PLS1: variants seen among roughly 807,000 people sequenced by gnomAD.
The protein encoded by PLS1 is plastin 1, also known as plastin-1.
Under a neutral mutation model 73.7 loss-of-function variants are expected in PLS1, and 32 were observed. The ratio of observed to expected loss-of-function variants is 0.43; its 90% CI spans 0.33 to 0.58. The LOEUF is 0.58. Ranked by LOEUF, PLS1 falls within the 20% of genes least tolerant of loss-of-function variation. The probability of loss-of-function intolerance (pLI) is 0.04; values close to 1 mark genes in which losing one functional copy is unlikely to be tolerated. For synonymous variants in PLS1, 217 were observed against 261.3 expected (o/e 0.83, Z 1.63); for missense variants, 633 against 740.5 (o/e 0.85, Z 1.68).
At position 142,711,958 on chromosome 3, in the gene PLS1, T is replaced by C; in HGVS notation, c.1841T>C (p.Met614Thr). Residue 614 changes from methionine (M) to threonine (T), a missense_variant, in exon 16 of 16, where the codon ATG becomes ACG. Coordinates refer to ENST00000457734, the MANE Select transcript of PLS1 (RefSeq NM_001145319.2). ...DLVEVKPKMVMTVFACLMGKG... is the reference protein window; with the variant it reads ...DLVEVKPKMVTTVFACLMGKG... ...GTAGAAGTGAAACCAAAGATGGTTA[T>C]GACGGTGTTTGCATGCTTAATGGGA... 2 of 1,613,526 alleles carry C rather than the reference T, an allele frequency of 1.2e-6. No homozygotes were observed. The highest frequency in any genetic ancestry group is 8.5e-7 in the Non-Finnish European group (1 of 1,179,458).
At chr3:142,600,237 G>A (rs2035890878) in intron 1 of PLS1, among the ~76,000 whole-genome samples, 2 of 152,174 alleles carry the variant, frequency 1.3e-5, no homozygotes, top group African/African-American at 4.8e-5. Context: ...GAGGGAGTGA[G>A]GCTGGGGTCC....
intron 5 of PLS1, 119 bp downstream of exon 5, chr3:142,676,408 G>A (rs2107862065): frequency 2.2e-6 from 2 of 928,686 alleles, no homozygotes; most frequent in Non-Finnish European, 3.3e-6. Flanking sequence ...CTTAGGTCAT[G>A]AGGAATTTAT....
At chr3:142,618,955 G>A (rs371466897) in intron 1 of PLS1, among the ~76,000 whole-genome samples, 1 of 152,072 alleles carries the variant, frequency 6.6e-6, no homozygotes, top group East Asian at 1.9e-4. Context: ...ACATCTTTGG[G>A]GGACAGGGTA....
At chr3:142,683,733 C>G (rs762953008) in intron 6 of PLS1, among the ~76,000 whole-genome samples, 3 of 152,020 alleles carry the variant, frequency 2.0e-5, no homozygotes, top group African/African-American at 4.8e-5. Context: ...GGCAGAACAT[C>G]CAGGTAGACA....
chr3:142,632,809 G>T (rs972326957), intron 1 of PLS1, among the ~76,000 whole-genome samples: 1 of 152,046 alleles, frequency 6.6e-6, no homozygotes, highest in Admixed American at 6.6e-5. Context: ...ATGTTGGCCG[G>T]GCTGGTCTCA....
chr3:142,711,283 A>T (rs1272332117), intron 14 of PLS1, among the ~76,000 whole-genome samples: 2 of 152,188 alleles, frequency 1.3e-5, no homozygotes, highest in Non-Finnish European at 2.9e-5. Context: ...CACAAACCTT[A>T]TTCAGATATG....
At chr3:142,634,823 ATTGT>A (rs202125451) in intron 1 of PLS1, among the ~76,000 whole-genome samples, 1,993 of 152,198 alleles carry the variant, frequency 0.013, 17 homozygotes, top group Non-Finnish European at 0.019. Flanking sequence ...AAGATTTCTT[ATTGT>A]TTAAGTCATT....
chr3:142,658,705 A>C (rs1037280855), intron 1 of PLS1, among the ~76,000 whole-genome samples: 1 of 152,126 alleles, frequency 6.6e-6, no homozygotes, highest in Admixed American at 6.5e-5. Context: ...TGCTTTTTTC[A>C]TTTAGTATGA....
intron 1 of PLS1, among the ~76,000 whole-genome samples, chr3:142,642,582 T>G (rs1377353364): frequency 6.6e-6 from 1 of 152,242 alleles, no homozygotes; most frequent in Non-Finnish European, 1.5e-5. Flanking sequence ...TCTGTCAGTC[T>G]GTGCCCCATA....
At chr3:142,630,644 A>T (rs1207403770) in intron 1 of PLS1, among the ~76,000 whole-genome samples, 1 of 151,894 alleles carries the variant, frequency 6.6e-6, no homozygotes, top group Non-Finnish European at 1.5e-5. Context: ...CCAGCTACTC[A>T]GGAGGCTGAG....
At chr3:142,628,809 A>G (rs2036488569) in intron 1 of PLS1, among the ~76,000 whole-genome samples, 1 of 152,254 alleles carries the variant, frequency 6.6e-6, no homozygotes, top group Non-Finnish European at 1.5e-5. Flanking sequence ...GAAAAAACCC[A>G]TCACTTTGAA....
chr3:142,695,761 C>CTTATTTATTTAT (rs55888631), intron 11 of PLS1, among the ~76,000 whole-genome samples: 2 of 94,260 alleles, frequency 2.1e-5, no homozygotes, highest in Non-Finnish European at 4.3e-5. Flanking sequence ...AGGAGACTTA[C>CTTATTTATTTAT]TTATTTATTT....
intron 12 of PLS1, among the ~76,000 whole-genome samples, chr3:142,701,912 G>A (rs1295021798): frequency 3.9e-5 from 6 of 152,144 alleles, no homozygotes; most frequent in Non-Finnish European, 8.8e-5. Context: ...AAGTGCTAAT[G>A]TTATTTTCCA....
At chr3:142,626,765 G>T (rs2036438847) in intron 1 of PLS1, among the ~76,000 whole-genome samples, 1 of 152,142 alleles carries the variant, frequency 6.6e-6, no homozygotes, top group Non-Finnish European at 1.5e-5. Flanking sequence ...ATTTTTTACA[G>T]TCTCCAATTG....
intron 1 of PLS1, among the ~76,000 whole-genome samples, chr3:142,609,742 T>C (rs954735364): frequency 2.6e-5 from 4 of 152,258 alleles, no homozygotes; most frequent in Non-Finnish European, 4.4e-5. Flanking sequence ...AATTTATGTA[T>C]AGCTGATTTA....
chr3:142,691,607 CATT>C (rs2038088362), intron 10 of PLS1, among the ~76,000 whole-genome samples: 2 of 151,970 alleles, frequency 1.3e-5, no homozygotes, highest in Non-Finnish European at 2.9e-5. Context: ...TAAATATTTC[CATT>C]ATTATTTACT....
At chr3:142,663,490 G>A (rs971449248) in intron 1 of PLS1, among the ~76,000 whole-genome samples, 1 of 152,126 alleles carries the variant, frequency 6.6e-6, no homozygotes. Flanking sequence ...TTAAGGCTAG[G>A]AGTTCAAGAC....
chr3:142,631,701 C>T (rs1242393208), intron 1 of PLS1, among the ~76,000 whole-genome samples: 1 of 145,520 alleles, frequency 6.9e-6, no homozygotes, highest in Admixed American at 6.8e-5. Flanking sequence ...GAAGTTGAAC[C>T]TTATACCATA....
rs1933152012 is a variant in PLS1 at position 142,711,963 on chromosome 3, G to A, written c.1846G>A (p.Val616Met). ...VEVKPKMVMT[V>M]FACLMGKGLN... is the part of the protein sequence containing the mutation. Reference sequence around the variant, plus strand: ...AGTGAAACCAAAGATGGTTATGACGGTGTTTGCATGCTTAATGGGAAAAGG... The same window carrying A: ...AGTGAAACCAAAGATGGTTATGACGATGTTTGCATGCTTAATGGGAAAAGG... The change falls in exon 16 of 16, where the codon GTG becomes ATG. Residue 616 changes from valine (V) to methionine (M), a missense_variant. Physicochemically the swap from Val to Met is conservative, Grantham distance 21. Transcript: ENST00000457734. 1.2e-6 allele frequency: 2 copies of A among 1,613,316 alleles called. No individual in the cohort carries two copies. The highest frequency in any genetic ancestry group is 1.7e-5 in the Admixed American group (1 of 59,998).
Sources: gnomAD v4.1 joint callset for allele counts (sites outside exome capture counted in the v4.1 genomes callset) on GRCh38, gnomAD v4.1.1 for gene constraint, MANE v1.5 for transcripts, NCBI Gene and HGNC (gene_info 2026-07-23, HGNC 2026-07-21) for gene names.